The following CFAP20DC variants were observed in gnomAD, a reference collection of about 807,000 sequenced individuals.
CFAP20DC encodes the protein CFAP20 domain containing, also known as protein CFAP20DC.
A neutral mutation model predicts 101.7 loss-of-function variants in CFAP20DC; 84 were observed. The ratio of observed to expected loss-of-function variants is 0.83; its 90% CI spans 0.69 to 0.99. CFAP20DC has a LOEUF of 0.99. Ranked by LOEUF, CFAP20DC falls within the 50% of genes least tolerant of loss-of-function variation. CFAP20DC has a pLI of 0.00. For missense variants in CFAP20DC, 1,007 were observed against 970.3 expected (o/e 1.04, Z -0.50); for synonymous variants, 359 against 351.2 (o/e 1.02, Z -0.25).
rs2108509449 is a variant in CFAP20DC at position 58,868,509 on chromosome 3, A to G, written c.1016-573T>C. 6.6e-6 allele frequency among the ~76,000 whole-genome samples: 1 copy of G among 152,256 alleles called. No homozygotes were observed. The highest frequency in any genetic ancestry group is 1.5e-5 in the Non-Finnish European group (1 of 67,982). On this transcript the variant is annotated intron_variant, in intron 9 of 16. Coordinates refer to ENST00000482387, the MANE Select transcript of CFAP20DC (RefSeq NM_001394063.1). The surrounding 1 kb of genome is among the most constrained non-coding windows in gnomAD (Gnocchi z 4.6). ...AATCCTCACAATGACCCTTTGAGGC[A>G]CCTGTTATTTATTATTAGTATTAGT...
intron 1 of CFAP20DC, among the ~76,000 whole-genome samples, chr3:59,048,815 CA>C (rs1363034962): frequency 6.6e-6 from 1 of 152,136 alleles, no homozygotes; most frequent in Non-Finnish European, 1.5e-5. Context: ...AGACTGTAAA[CA>C]AGGAGTGTAA....
intron 16 of CFAP20DC, among the ~76,000 whole-genome samples, chr3:58,752,923 T>C (rs1451329994): frequency 2.0e-5 from 3 of 152,140 alleles, no homozygotes; most frequent in African/African-American, 7.2e-5. Flanking sequence ...AGATATAACA[T>C]TTCTATCTTC....
At position 59,039,557 on chromosome 3, in the gene CFAP20DC, A is replaced by G. The variant is rs2094161326; in HGVS notation, c.278T>C (p.Leu93Pro). ...PLGQDFSTEL[L>P]ITDLGNIKRR... is the part of the protein sequence containing the mutation. ...TTCAAAGAAGTTCTGTATATCTTAC[A>G]GCAATTCAGTGGAGAAGTCTTGTCC... Residue 93 changes from leucine (L) to proline (P), a missense_variant and splice_region_variant, in exon 4 of 17, where the codon CTA becomes CCA. By Grantham distance (98) the Leu-to-Pro change is moderately conservative. Coordinates refer to ENST00000482387, the MANE Select transcript of CFAP20DC (RefSeq NM_001394063.1). The G allele has an allele frequency of 2.0e-6, 3 of 1,509,450 alleles. No individual in the cohort carries two copies. The highest frequency in any genetic ancestry group is 8.9e-7 in the Non-Finnish European group (1 of 1,125,104). 93.5% of individuals were successfully genotyped at this position (1,509,450 alleles called of 1,614,324 possible). A position where few individuals can be genotyped will look rare whatever the true frequency, so the allele number is the denominator to read the frequency against.
chr3:58,970,749 C>T (rs1234044817), intron 4 of CFAP20DC: 2 of 152,024 alleles, frequency 1.3e-5, no homozygotes, highest in East Asian at 1.9e-4. Context: ...TCTGTCCTTC[C>T]ATTGTACTGA....
At chr3:58,768,201 GGATCTGAA>G (rs1575593262) in intron 15 of CFAP20DC, among the ~76,000 whole-genome samples, 1 of 152,046 alleles carries the variant, frequency 6.6e-6, no homozygotes, top group East Asian at 1.9e-4. Context: ...TTCTCAAACT[GGATCTGAA>G]AAAGAGAGAT....
At position 58,728,879 on chromosome 3, in the gene CFAP20DC, G is replaced by A. The variant is rs57677353; in HGVS notation, c.198-11251C>T. 0.12 allele frequency among the ~76,000 whole-genome samples: 18,217 copies of A among 151,952 alleles called. 1,953 individuals carry two copies. The highest frequency in any genetic ancestry group is 0.35 in the East Asian group (1,820 of 5,160). On this transcript the variant is annotated intron_variant, in intron 3 of 3. Coordinates refer to the CFAP20DC transcript ENST00000486145. This position sits in a 1 kb window ranked among gnomAD's most constrained non-coding sequence, Gnocchi z 4.7. ...GTGTAAATTTGGTGCAGTCTCTACC[G>A]CATTGACTCAGAGCTGGTCTGTGTG...
intron 14 of CFAP20DC, among the ~76,000 whole-genome samples, chr3:58,820,027 G>A (rs1443141854): frequency 1.8e-4 from 26 of 146,962 alleles, no homozygotes; most frequent in Non-Finnish European, 3.2e-4. Flanking sequence ...TATAAACAGA[G>A]CCAAAGACAA....
At chr3:58,950,264 T>C (rs879552837) in intron 4 of CFAP20DC, among the ~76,000 whole-genome samples, 1 of 152,034 alleles carries the variant, frequency 6.6e-6, no homozygotes, top group Non-Finnish European at 1.5e-5. Flanking sequence ...TAAAAGAGGA[T>C]ACAAACAAAT....
chr3:58,960,015 A>G (rs572518898), intron 4 of CFAP20DC, among the ~76,000 whole-genome samples: 37 of 152,248 alleles, frequency 2.4e-4, no homozygotes, highest in Non-Finnish European at 4.7e-4. Context: ...TCTGCCTTTC[A>G]AGGAATTTTT....
Position 58,866,624 on chromosome 3 carries a change from T to C in CFAP20DC, c.1200A>G (p.Gln400=), listed in dbSNP as rs770584169. The change falls in exon 11 of 17, where the codon CAA becomes CAG. Residue 400 remains glutamine, a synonymous_variant. Coordinates refer to ENST00000482387, the MANE Select transcript of CFAP20DC (RefSeq NM_001394063.1). ...CGGAGTTCAACAGCTCTGCTCCTTG[T>C]TGGGACACAGTGGTGAGGATAGTTG... ...KASTILTTVS[Q]QGAELLNSGT... The C allele has an allele frequency of 4.3e-6, 7 of 1,611,008 alleles. No homozygotes were observed. Among genetic ancestry groups the C allele is most frequent in the Admixed American group, 3.3e-5 (2 of 59,970 alleles).
intron 6 of CFAP20DC, among the ~76,000 whole-genome samples, chr3:58,907,484 C>T (rs1425749653): frequency 6.6e-6 from 1 of 152,208 alleles, no homozygotes; most frequent in Admixed American, 6.5e-5. Flanking sequence ...TGTTTAACAT[C>T]TGCACACTGC....
intron 4 of CFAP20DC, among the ~76,000 whole-genome samples, chr3:58,952,413 A>T (rs1198752721): frequency 6.6e-6 from 1 of 152,086 alleles, no homozygotes; most frequent in Admixed American, 6.6e-5. Flanking sequence ...CCCACCTGTT[A>T]GTCATTTAGC....
At chr3:58,720,929 T>G (rs2067464401) in intron 3 of CFAP20DC, among the ~76,000 whole-genome samples, 2 of 152,234 alleles carry the variant, frequency 1.3e-5, no homozygotes. Flanking sequence ...GATTGAGACT[T>G]GTGTGTCCAC....
At chr3:58,806,865 T>G (rs911604805) in intron 14 of CFAP20DC, among the ~76,000 whole-genome samples, 3 of 152,140 alleles carry the variant, frequency 2.0e-5, no homozygotes, top group African/African-American at 4.8e-5. Context: ...ACTCCCACCC[T>G]AATACTGCAC....
chr3:58,903,975 G>C (rs993904851), intron 6 of CFAP20DC, among the ~76,000 whole-genome samples: 5 of 152,126 alleles, frequency 3.3e-5, no homozygotes, highest in African/African-American at 1.2e-4. Flanking sequence ...AGACTGTTTT[G>C]GCTATTTGGG....
At chr3:58,879,721 T>A (rs904907540) in intron 7 of CFAP20DC, among the ~76,000 whole-genome samples, 1 of 152,116 alleles carries the variant, frequency 6.6e-6, no homozygotes, top group African/African-American at 2.4e-5. Context: ...CTGAGTGATG[T>A]GACAGAAAGA....
chr3:58,867,363 T>A (rs573658310), intron 10 of CFAP20DC, among the ~76,000 whole-genome samples: 1 of 152,300 alleles, frequency 6.6e-6, no homozygotes, highest in African/African-American at 2.4e-5. Context: ...GCAAAGAGTT[T>A]AAATTTTAAC....
intron 4 of CFAP20DC, among the ~76,000 whole-genome samples, chr3:59,031,090 G>A (rs985667112): frequency 2.0e-5 from 3 of 152,152 alleles, no homozygotes; most frequent in Non-Finnish European, 4.4e-5. Context: ...CCAAAGTGCT[G>A]GGATTACAGG....
intron 5 of CFAP20DC, among the ~76,000 whole-genome samples, chr3:58,933,232 T>C (rs991126635): frequency 2.0e-5 from 3 of 151,936 alleles, no homozygotes; most frequent in African/African-American, 7.3e-5. Flanking sequence ...CTATCCTAAA[T>C]ATATATGCAC....
Sources: allele counts gnomAD v4.1 joint callset (sites outside exome capture counted in the v4.1 genomes callset), GRCh38; gene constraint gnomAD v4.1.1; non-coding constraint Gnocchi (gnomAD v3.1); transcripts MANE v1.5; gene names NCBI Gene and HGNC (gene_info 2026-07-23, HGNC 2026-07-21).